Variants in SRGAP2 observed in about 807,000 individuals in gnomAD.
SRGAP2 encodes SLIT-ROBO Rho GTPase activating protein 2, also known as SLIT-ROBO Rho GTPase-activating protein 2.
A neutral mutation model predicts 57.2 loss-of-function variants in SRGAP2; 15 were observed. That is an observed-to-expected ratio of 0.26 (90% CI 0.18 to 0.40). The LOEUF (loss-of-function observed/expected upper bound fraction) is 0.40, where lower values mean the gene tolerates loss of function less well. SRGAP2 is among the 10% of genes least tolerant of loss of function. The pLI is 1.00. For synonymous variants in SRGAP2, 249 were observed against 248.0 expected (o/e 1.00, Z -0.04); for missense variants, 520 against 669.6 (o/e 0.78, Z 2.47).
chr1:206,446,437 A>G, intron 18 of SRGAP2, 138 bp downstream of exon 18: 1 of 654,564 alleles, frequency 1.5e-6, no homozygotes, highest in Non-Finnish European at 2.7e-6. Context: ...GGGTCTGGGG[A>G]TGCTATAGGC....
intron 17 of SRGAP2, 56 bp downstream of exon 17, chr1:206,440,137 T>G: frequency 1.3e-6 from 1 of 763,950 alleles, no homozygotes; most frequent in Non-Finnish European, 2.4e-6. Context: ...GCACTGGAAG[T>G]TCCTCTATGG....
At chr1:206,435,797 A>T (rs1553369801) in intron 14 of SRGAP2, among the ~76,000 whole-genome samples, 1 of 152,220 alleles carries the variant, frequency 6.6e-6, no homozygotes, top group African/African-American at 2.4e-5. Context: ...ATTATTTCTG[A>T]GGACCAAGTA....
intron 2 of SRGAP2, among the ~76,000 whole-genome samples, chr1:206,285,832 C>T (rs1347504634): frequency 4.6e-5 from 7 of 151,830 alleles, no homozygotes; most frequent in African/African-American, 1.7e-4. Context: ...TGCCTGGCTA[C>T]TTTTTGTATT....
At chr1:206,301,038 T>A (rs1371432335) in intron 2 of SRGAP2, among the ~76,000 whole-genome samples, 1 of 152,102 alleles carries the variant, frequency 6.6e-6, no homozygotes, top group Non-Finnish European at 1.5e-5. Flanking sequence ...TCTTTTTTGT[T>A]GTTGTTTGTT....
chr1:206,249,875 A>C (rs1421871811), intron 2 of SRGAP2, among the ~76,000 whole-genome samples: 1 of 147,210 alleles, frequency 6.8e-6, no homozygotes, highest in Admixed American at 6.8e-5. Context: ...CGTAAGCTCC[A>C]TAAGGGAAGG....
rs1204672055 is a variant in SRGAP2, at chr1:206,464,315, C to T, written c.*2895C>T. ...ATATTCTTTAAAATAGTGTTGATAACTGGAATATTGTATGTATGCTTGGAG... is the reference window on the plus strand; with the variant it reads ...ATATTCTTTAAAATAGTGTTGATAATTGGAATATTGTATGTATGCTTGGAG... On this transcript the variant is annotated 3_prime_UTR_variant, in exon 23 of 23. Transcript: ENST00000573034. The T allele has an allele frequency of 2.0e-5, 3 of 152,630 alleles. No homozygotes were observed. The highest frequency in any genetic ancestry group is 4.4e-5 in the Non-Finnish European group (3 of 68,046). 9.5% of individuals were successfully genotyped at this position (152,630 alleles called of 1,614,324 possible).
chr1:206,278,529 T>C (rs1340614599), intron 2 of SRGAP2, among the ~76,000 whole-genome samples: 1 of 143,768 alleles, frequency 7.0e-6, no homozygotes, highest in East Asian at 2.0e-4. Flanking sequence ...TTTTAATTTT[T>C]AATTTTTATT....
chr1:206,272,677 G>C (rs1453848809), intron 2 of SRGAP2, among the ~76,000 whole-genome samples: 1,625 of 152,302 alleles, frequency 0.011, 27 homozygotes, highest in African/African-American at 0.036. Context: ...CTCCCAAAGA[G>C]CTGGGATTAC....
Position 206,428,159 on chromosome 1 carries a change from G to A in SRGAP2, c.1495-2003G>A, listed in dbSNP as rs371018245. ...AGGCCGGGCGTGGTGACTCACGCCT[G>A]TAATCGCAGCACTTTGGGAGGCCGA... On this transcript the variant is annotated intron_variant, in intron 13 of 22. Transcript: ENST00000573034. Among the ~76,000 whole-genome samples the A allele has an allele frequency of 6.6e-5, 10 of 152,244 alleles. 1 individual carries two copies. The highest frequency in any genetic ancestry group is 2.4e-4 in the African/African-American group (10 of 41,532).
chr1:206,332,629 G>A (rs1349868388), intron 3 of SRGAP2, among the ~76,000 whole-genome samples: 2 of 141,810 alleles, frequency 1.4e-5, no homozygotes, highest in African/African-American at 2.9e-5. Context: ...CATTCTTCAC[G>A]TAGTTCTCGA....
At chr1:206,292,146 C>A (rs1359336619) in intron 2 of SRGAP2, among the ~76,000 whole-genome samples, 6 of 152,184 alleles carry the variant, frequency 3.9e-5, no homozygotes, top group African/African-American at 1.4e-4. Context: ...TGTGGGACAT[C>A]TTCACATAAC....
At position 206,314,453 on chromosome 1, in the gene SRGAP2, C is replaced by G. The variant is rs1456061483; in HGVS notation, c.260+10980C>G. ...CCAGCTGAAATCTAGTGTTTTTTAACAGAAGTTAGGAGAAAGAATTGTTTT... is the reference window on the plus strand; with the variant it reads ...CCAGCTGAAATCTAGTGTTTTTTAAGAGAAGTTAGGAGAAAGAATTGTTTT... On this transcript the variant is annotated intron_variant, in intron 3 of 22. Transcript: ENST00000573034. Among the ~76,000 whole-genome samples the G allele has an allele frequency of 5.3e-5, 8 of 152,182 alleles. No individual in the cohort carries two copies. In the East Asian group the frequency reaches 5.8e-4, roughly 11 times the overall value.
At chr1:206,306,566 A>G (rs1158774370) in intron 3 of SRGAP2, among the ~76,000 whole-genome samples, 3 of 152,060 alleles carry the variant, frequency 2.0e-5, no homozygotes, top group East Asian at 1.9e-4. Flanking sequence ...CGGGTTGCCA[A>G]TGTTGGCTCG....
At chr1:206,432,284 G>T (rs544759702) in intron 14 of SRGAP2, among the ~76,000 whole-genome samples, 1 of 152,264 alleles carries the variant, frequency 6.6e-6, no homozygotes, top group African/African-American at 2.4e-5. Context: ...CCATTACTGT[G>T]GTGAAGCTCT....
chr1:206,270,617 C>T (rs1281450136), intron 2 of SRGAP2, among the ~76,000 whole-genome samples: 1 of 149,174 alleles, frequency 6.7e-6, no homozygotes, highest in Non-Finnish European at 1.5e-5. Context: ...GTTGAATAAA[C>T]AAAAGCATAG....
chr1:206,418,888 C>CTGTGTGTGTGTGTG (rs1159940831), intron 11 of SRGAP2, among the ~76,000 whole-genome samples: 2 of 136,566 alleles, frequency 1.5e-5, no homozygotes, highest in Non-Finnish European at 3.2e-5. Context: ...CCAACTCTCT[C>CTGTGTGTGTGTGTG]TGTGTGTGTG....
chr1:206,445,346 G>A (rs1434552979), intron 17 of SRGAP2, among the ~76,000 whole-genome samples: 1 of 152,204 alleles, frequency 6.6e-6, no homozygotes, highest in Non-Finnish European at 1.5e-5. Context: ...AGAGTTCCCA[G>A]AATAAATAAA....
intron 10 of SRGAP2, among the ~76,000 whole-genome samples, chr1:206,410,324 C>G (rs1275343644): frequency 6.6e-6 from 1 of 152,200 alleles, no homozygotes; most frequent in Non-Finnish European, 1.5e-5. Context: ...TTGTGTTTAT[C>G]GCTTATCTTT....
At chr1:206,355,129 G>C (rs1425073888) in intron 4 of SRGAP2, among the ~76,000 whole-genome samples, 4 of 152,034 alleles carry the variant, frequency 2.6e-5, no homozygotes, top group Admixed American at 1.3e-4. Flanking sequence ...GTTTGTCCAA[G>C]CCAGTATCTA....
Sources: gnomAD v4.1 joint callset for allele counts (sites outside exome capture counted in the v4.1 genomes callset) on GRCh38, gnomAD v4.1.1 for gene constraint, MANE v1.5 for transcripts, NCBI Gene and HGNC (gene_info 2026-07-23, HGNC 2026-07-21) for gene names.